SNTG2: variants seen among roughly 807,000 people sequenced by gnomAD.
The protein encoded by SNTG2 is gamma-2-syntrophin.
Under a neutral mutation model 70.9 loss-of-function variants are expected in SNTG2, and 74 were observed. The observed-to-expected ratio is 1.04, with a 90% CI of 0.86 to 1.27. SNTG2 has a LOEUF of 1.27. Ranked by LOEUF, SNTG2 falls within the 50% of genes most tolerant of loss-of-function variation. The pLI is 0.00. For synonymous variants in SNTG2, 278 were observed against 273.8 expected, an observed-to-expected ratio of 1.02 and a Z score of -0.15; for missense variants, 717 against 690.7, an observed-to-expected ratio of 1.04 and a Z score of -0.43.
At chr2:963,460 G>A (rs1281916631) in intron 1 of SNTG2, among the ~76,000 whole-genome samples, 2 of 152,060 alleles carry the variant, frequency 1.3e-5, no homozygotes, top group African/African-American at 4.8e-5. Context: ...CAGTTTCCAC[G>A]CTTTACACAC....
At chr2:1,142,790 T>C (rs909650173) in intron 6 of SNTG2, among the ~76,000 whole-genome samples, 1 of 152,224 alleles carries the variant, frequency 6.6e-6, no homozygotes, top group Non-Finnish European at 1.5e-5. Flanking sequence ...GCACCCATAT[T>C]AATACATTTG....
chr2:1,271,789 C>T (rs1679033031), intron 14 of SNTG2, among the ~76,000 whole-genome samples: 1 of 152,104 alleles, frequency 6.6e-6, no homozygotes, highest in African/African-American at 2.4e-5. Context: ...AGGTCATGAG[C>T]CCATCAGACC....
intron 2 of SNTG2, among the ~76,000 whole-genome samples, chr2:1,090,859 T>C (rs113306472): frequency 0.017 from 2,532 of 152,286 alleles, 81 homozygotes; most frequent in African/African-American, 0.058. Flanking sequence ...TCTTGAAGTG[T>C]GCATGCTTGA....
intron 1 of SNTG2, among the ~76,000 whole-genome samples, chr2:1,025,532 G>T (rs1385822297): frequency 6.6e-6 from 1 of 152,192 alleles, no homozygotes; most frequent in Non-Finnish European, 1.5e-5. Context: ...GTATCGGCAG[G>T]ACTGCGTTCT....
chr2:1,131,857 A>G (rs1365719781), intron 4 of SNTG2, among the ~76,000 whole-genome samples: 2 of 151,896 alleles, frequency 1.3e-5, no homozygotes, highest in Admixed American at 6.6e-5. Context: ...TCACTGTGTT[A>G]GCCAGGATGG....
chr2:1,234,791 A>AC (rs35850947), intron 9 of SNTG2, among the ~76,000 whole-genome samples: 48,137 of 152,008 alleles, frequency 0.32, 9,082 homozygotes, highest in African/African-American at 0.53. Flanking sequence ...CACTGTCTCT[A>AC]CTCACATCTT....
chr2:952,549 C>T (rs576096873), intron 1 of SNTG2, among the ~76,000 whole-genome samples: 2 of 152,332 alleles, frequency 1.3e-5, no homozygotes, highest in South Asian at 4.1e-4. Context: ...TTGATGTTTT[C>T]CAGTCAAGAG....
intron 9 of SNTG2, among the ~76,000 whole-genome samples, chr2:1,215,522 A>G (rs902890317): frequency 1.5e-4 from 22 of 151,044 alleles, no homozygotes; most frequent in African/African-American, 5.4e-4. Flanking sequence ...CATTTTTAAA[A>G]GCGTGTTTTA....
chr2:1,230,883 A>G (rs1391520530), intron 9 of SNTG2, among the ~76,000 whole-genome samples: 1 of 152,052 alleles, frequency 6.6e-6, no homozygotes, highest in Non-Finnish European at 1.5e-5. Flanking sequence ...GTTACTTAGG[A>G]TAATGACAGT....
intron 1 of SNTG2, among the ~76,000 whole-genome samples, chr2:1,005,961 G>A (rs895452015): frequency 1.3e-5 from 2 of 149,236 alleles, no homozygotes; most frequent in African/African-American, 5.0e-5. Flanking sequence ...ATTATATGGA[G>A]GAAGCCAAGA....
intron 14 of SNTG2, among the ~76,000 whole-genome samples, chr2:1,268,830 G>A (rs138025729): frequency 6.6e-6 from 1 of 152,282 alleles, no homozygotes; most frequent in Non-Finnish European, 1.5e-5. Flanking sequence ...GTTTTCTTTA[G>A]ATGATAGCAG....
intron 16 of SNTG2, among the ~76,000 whole-genome samples, chr2:1,358,202 G>C (rs1397029532): frequency 6.6e-6 from 1 of 152,078 alleles, no homozygotes; most frequent in Admixed American, 6.6e-5. Context: ...CTTACTCCAA[G>C]TATGATTTTA....
intron 14 of SNTG2, among the ~76,000 whole-genome samples, chr2:1,272,365 C>T (rs551293295): frequency 4.1e-4 from 61 of 148,434 alleles, no homozygotes; most frequent in African/African-American, 1.5e-3. Context: ...TCTAATACTT[C>T]TGCTCATCTG....
chr2:1,347,230 G>T (rs1439313233), intron 16 of SNTG2, among the ~76,000 whole-genome samples: 4 of 152,174 alleles, frequency 2.6e-5, no homozygotes, highest in Non-Finnish European at 4.4e-5. Context: ...CACCATAACA[G>T]GTAGGGGGCT....
In SNTG2 at chr2:1,284,024, G is replaced by A. The variant is rs544820175; in HGVS notation, c.1284+16453G>A. On this transcript the variant is annotated intron_variant, in intron 14 of 16. Coordinates refer to ENST00000308624, the MANE Select transcript of SNTG2 (RefSeq NM_018968.4). ...CCCCGCAGTGAGCCGCCGACCTGCC[G>A]TTGTGAAGAATGATCCTGAGTATTG... 2.6e-5 allele frequency among the ~76,000 whole-genome samples: 4 copies of A among 152,252 alleles called. No homozygotes were observed. In the South Asian group the frequency reaches 6.2e-4, roughly 24 times the overall value.
At chr2:1,004,391 A>G (rs1248762835) in intron 1 of SNTG2, among the ~76,000 whole-genome samples, 1 of 152,238 alleles carries the variant, frequency 6.6e-6, no homozygotes, top group African/African-American at 2.4e-5. Flanking sequence ...AAGACAAGCC[A>G]AAGACTTGTA....
chr2:1,329,059 G>A (rs1681880734), intron 16 of SNTG2, among the ~76,000 whole-genome samples: 1 of 152,090 alleles, frequency 6.6e-6, no homozygotes, highest in South Asian at 2.1e-4. Context: ...TAAGGTATTA[G>A]CTGGGCAATT....
chr2:1,327,629 G>C (rs1035255921), intron 16 of SNTG2, among the ~76,000 whole-genome samples: 1 of 152,088 alleles, frequency 6.6e-6, no homozygotes, highest in Non-Finnish European at 1.5e-5. Context: ...TAAATTTTCT[G>C]TTAACCATTT....
intron 1 of SNTG2, among the ~76,000 whole-genome samples, chr2:998,773 A>G (rs554617965): frequency 6.6e-6 from 1 of 152,252 alleles, no homozygotes; most frequent in African/African-American, 2.4e-5. Flanking sequence ...CTCCAGATAT[A>G]AGAGGCCCAG....
Sources: gnomAD v4.1 joint callset for allele counts (sites outside exome capture counted in the v4.1 genomes callset) on GRCh38, gnomAD v4.1.1 for gene constraint, MANE v1.5 for transcripts, NCBI Gene and HGNC (gene_info 2026-07-23, HGNC 2026-07-21) for gene names.